MINDY3: variants seen among roughly 807,000 people sequenced by gnomAD.
The protein encoded by MINDY3 is ubiquitin carboxyl-terminal hydrolase MINDY-3.
MINDY3 carries 38 observed loss-of-function variants against 69.2 expected under a neutral mutation model. That is an observed-to-expected ratio of 0.55 (90% CI 0.42 to 0.72). The LOEUF (loss-of-function observed/expected upper bound fraction) is 0.72. MINDY3 is among the 30% of genes least tolerant of loss of function. The pLI is 0.00. For missense variants in MINDY3, 522 were observed against 519.0 expected, an observed-to-expected ratio of 1.01 and a Z score of -0.06; for synonymous variants, 192 against 180.1, an observed-to-expected ratio of 1.07 and a Z score of -0.53.
intron 10 of MINDY3, among the ~76,000 whole-genome samples, chr10:15,807,408 A>G (rs975544665): frequency 2.6e-5 from 4 of 152,208 alleles, no homozygotes; most frequent in Admixed American, 6.6e-5. Context: ...CAAGACTTTG[A>G]TAAGCGTATT....
chr10:15,812,519 T>C (rs537856969), intron 10 of MINDY3, among the ~76,000 whole-genome samples: 6 of 152,316 alleles, frequency 3.9e-5, no homozygotes, highest in South Asian at 2.1e-4. Context: ...GCATAAAGAA[T>C]AGATGTGGGT....
intron 1 of MINDY3, among the ~76,000 whole-genome samples, chr10:15,856,510 G>A (rs1834702032): frequency 6.6e-6 from 1 of 151,910 alleles, no homozygotes; most frequent in African/African-American, 2.4e-5. Context: ...ATAACTGGAA[G>A]AAGGAAAATA....
intron 10 of MINDY3, among the ~76,000 whole-genome samples, chr10:15,803,710 T>C (rs1455872984): frequency 6.6e-6 from 1 of 152,086 alleles, no homozygotes; most frequent in Non-Finnish European, 1.5e-5. Flanking sequence ...CGCAGTCTAA[T>C]AGAACAGAGA....
chr10:15,820,649 G>A (rs535491031), intron 9 of MINDY3, among the ~76,000 whole-genome samples: 19 of 152,324 alleles, frequency 1.2e-4, no homozygotes, highest in Non-Finnish European at 2.6e-4. Context: ...AAAGGAGTAA[G>A]GGCAGGACAA....
chr10:15,827,508 A>C (rs1840171396), intron 8 of MINDY3, among the ~76,000 whole-genome samples: 1 of 151,900 alleles, frequency 6.6e-6, no homozygotes, highest in Admixed American at 6.6e-5. Flanking sequence ...GTGCCACTGC[A>C]CTCCAGCCTG....
At chr10:15,806,985 G>C (rs1239916150) in intron 10 of MINDY3, among the ~76,000 whole-genome samples, 2 of 152,152 alleles carry the variant, frequency 1.3e-5, no homozygotes, top group Non-Finnish European at 2.9e-5. Context: ...TAGCTCAGAA[G>C]TCAGAAGACT....
chr10:15,847,212 T>C (rs539372798), intron 2 of MINDY3, among the ~76,000 whole-genome samples: 83 of 152,338 alleles, frequency 5.4e-4, no homozygotes, highest in African/African-American at 1.6e-3. Flanking sequence ...ATTCAATTCT[T>C]GGTTTTAACA....
chr10:15,826,224 C>T (rs997923113), intron 8 of MINDY3, among the ~76,000 whole-genome samples: 85 of 152,158 alleles, frequency 5.6e-4, no homozygotes, highest in African/African-American at 1.6e-3. Flanking sequence ...AGCCAGCCAT[C>T]GAATGGTTTT....
chr10:15,842,341 G>C (rs979102367), intron 3 of MINDY3, among the ~76,000 whole-genome samples: 2 of 151,756 alleles, frequency 1.3e-5, no homozygotes, highest in Non-Finnish European at 3.0e-5. Context: ...AATCACCACA[G>C]TATTTATGAC....
intron 1 of MINDY3, among the ~76,000 whole-genome samples, chr10:15,859,855 G>C (rs550643695): frequency 6.6e-6 from 1 of 152,326 alleles, no homozygotes; most frequent in South Asian, 2.1e-4. Context: ...TAAAGATGCG[G>C]AAGGCCACAG....
chr10:15,819,770 C>T (rs1444949918), intron 9 of MINDY3, among the ~76,000 whole-genome samples: 2 of 152,192 alleles, frequency 1.3e-5, no homozygotes, highest in Non-Finnish European at 1.5e-5. Context: ...GTGCCATTAG[C>T]AGAAGCCTTA....
chr10:15,834,083 G>A (rs1832918438), intron 7 of MINDY3, among the ~76,000 whole-genome samples: 1 of 151,828 alleles, frequency 6.6e-6, no homozygotes, highest in South Asian at 2.1e-4. Context: ...AGGCAGAAAG[G>A]TCTAAAAAGA....
At chr10:15,838,151 C>A in intron 5 of MINDY3, 77 bp downstream of exon 5, 1 of 1,428,512 alleles carries the variant, frequency 7.0e-7, no homozygotes, top group Non-Finnish European at 9.2e-7. Context: ...AACTAAGAAC[C>A]TTTCCACAGT....
At chr10:15,793,465 A>C (rs1837572054) in intron 11 of MINDY3, among the ~76,000 whole-genome samples, 1 of 152,134 alleles carries the variant, frequency 6.6e-6, no homozygotes, top group African/African-American at 2.4e-5. Flanking sequence ...CTGGGCTCCT[A>C]AGATCCTCAA....
chr10:15,857,808 C>T (rs1268733742), intron 1 of MINDY3: 1 of 361,130 alleles, frequency 2.8e-6, no homozygotes, highest in African/African-American at 2.2e-5. Flanking sequence ...GTTTTAACAA[C>T]CATATCAAAA....
chr10:15,819,259 C>T (rs898147768), intron 9 of MINDY3, among the ~76,000 whole-genome samples: 3 of 152,154 alleles, frequency 2.0e-5, no homozygotes, highest in Non-Finnish European at 4.4e-5. Context: ...TCCTTAATGC[C>T]ATTCCTCCAA....
At chr10:15,803,591 C>G (rs1227615839) in intron 10 of MINDY3, among the ~76,000 whole-genome samples, 1 of 152,032 alleles carries the variant, frequency 6.6e-6, no homozygotes, top group Non-Finnish European at 1.5e-5. Context: ...CTTTTAGGTT[C>G]CATATGTAGT....
At chr10:15,803,650 T>C (rs1431867782) in intron 10 of MINDY3, among the ~76,000 whole-genome samples, 1 of 152,136 alleles carries the variant, frequency 6.6e-6, no homozygotes, top group African/African-American at 2.4e-5. Context: ...CTTAAACATT[T>C]GGCAGGCTTA....
At chr10:15,821,510 G>C in intron 9 of MINDY3, 146 bp downstream of exon 9, 1 of 553,428 alleles carries the variant, frequency 1.8e-6, no homozygotes, top group Non-Finnish European at 3.1e-6. Flanking sequence ...AACCCTGCTG[G>C]TTTAGGGTGG....
Sources: gnomAD v4.1 joint callset for allele counts (sites outside exome capture counted in the v4.1 genomes callset) on GRCh38, gnomAD v4.1.1 for gene constraint, MANE v1.5 for transcripts, NCBI Gene and HGNC (gene_info 2026-07-23, HGNC 2026-07-21) for gene names.